Variants in STAG2 observed in about 807,000 individuals in gnomAD.
STAG2 encodes the protein STAG2 cohesin complex component, also known as cohesin subunit SA-2.
A neutral mutation model predicts 108.1 loss-of-function variants in STAG2; 14 were observed. The observed-to-expected ratio is 0.13, with a 90% CI of 0.09 to 0.20. The LOEUF is 0.20. Ranked by LOEUF, STAG2 falls within the 10% of genes least tolerant of loss-of-function variation. The pLI is 1.00. For synonymous variants in STAG2, 307 were observed against 302.7 expected (o/e 1.01, Z -0.15); for missense variants, 440 against 940.9 (o/e 0.47, Z 6.96).
In STAG2 at chrX:124,057,181, G is replaced by T. The variant is rs146161622; in HGVS notation, c.1305-685G>T. Among the ~76,000 whole-genome samples the T allele has an allele frequency of 2.3e-4, 26 of 112,065 alleles. No homozygotes were observed. In the East Asian group the frequency reaches 6.1e-3, roughly 26 times the overall value. On this transcript the variant is annotated intron_variant, in intron 14 of 34. Transcript: ENST00000371145. ...TGTGATCCTATTTAACTCAGATTAG[G>T]TAGTATGAGTAGAAGTGTGAATATC...
chrX:124,064,739 A>T (rs762521368), intron 20 of STAG2, among the ~76,000 whole-genome samples: 1 of 111,359 alleles, frequency 9.0e-6, no homozygotes, highest in South Asian at 3.7e-4. Flanking sequence ...CCACACATCC[A>T]GTCTGGGTTT....
intron 18 of STAG2, 39 bp from the exon 19 acceptor site, chrX:124,063,077 T>C (rs774533211): frequency 5.1e-6 from 6 of 1,172,510 alleles, no homozygotes; most frequent in Non-Finnish European, 6.9e-6. Context: ...TAATGCTTTC[T>C]TATTGTGATA....
At chrX:123,980,513 A>C (rs1040334925) in intron 1 of STAG2, among the ~76,000 whole-genome samples, 2 of 111,950 alleles carry the variant, frequency 1.8e-5, no homozygotes, top group Non-Finnish European at 3.8e-5. Flanking sequence ...TGTTCTTCCA[A>C]TTATGTCAAG....
At chrX:124,097,849 CA>C (rs2059422481) in intron 34 of STAG2, 1 of 169,319 alleles carries the variant, frequency 5.9e-6, no homozygotes, top group African/African-American at 3.0e-5. Flanking sequence ...TTGTGCTTCC[CA>C]AAACTAAAAT....
chrX:124,031,984 C>T (rs748064824), intron 5 of STAG2, among the ~76,000 whole-genome samples: 17 of 111,571 alleles, frequency 1.5e-4, no homozygotes, highest in African/African-American at 5.5e-4. Flanking sequence ...CCTGCCTCGG[C>T]CTCCCAAAGT....
intron 5 of STAG2, among the ~76,000 whole-genome samples, chrX:124,034,852 C>CAGT (rs1374788326): frequency 9.6e-6 from 1 of 103,975 alleles, no homozygotes; most frequent in Non-Finnish European, 2.0e-5. Context: ...ATACCTATCT[C>CAGT]AGTAGTTGTT....
At chrX:124,048,954 AT>A (rs1229643241) in intron 9 of STAG2, 50 bp from the exon 10 acceptor site, 10 of 1,047,412 alleles carry the variant, frequency 9.5e-6, no homozygotes, top group African/African-American at 1.9e-5. Context: ...ACAGGTGTTC[AT>A]TTGGTTGTCT....
chrX:124,071,455 A>T, intron 25 of STAG2, 132 bp downstream of exon 25: 1 of 483,867 alleles, frequency 2.1e-6, no homozygotes, highest in Non-Finnish European at 3.1e-6. Context: ...ATATTCCAGC[A>T]CAATTTATGT....
chrX:124,004,944 T>C (rs1261566474), intron 1 of STAG2, among the ~76,000 whole-genome samples: 1 of 111,349 alleles, frequency 9.0e-6, no homozygotes, highest in Non-Finnish European at 1.9e-5. Flanking sequence ...CAGGTGTCCC[T>C]TGGTATCTGT....
intron 1 of STAG2, among the ~76,000 whole-genome samples, chrX:124,014,656 C>T (rs1006814122): frequency 1.8e-5 from 2 of 111,185 alleles, no homozygotes; most frequent in African/African-American, 6.6e-5. Flanking sequence ...CTACTGCACC[C>T]GGCCTGTCCT....
chrX:124,038,931 C>G (rs1293443048), intron 6 of STAG2, among the ~76,000 whole-genome samples: 1 of 110,444 alleles, frequency 9.1e-6, no homozygotes, highest in African/African-American at 3.3e-5. Context: ...TAAAGATGAG[C>G]TATACTAAAA....
intron 4 of STAG2, among the ~76,000 whole-genome samples, chrX:124,028,811 TA>T (rs1489177923): frequency 2.3e-4 from 20 of 88,805 alleles, no homozygotes; most frequent in African/African-American, 8.3e-4. Flanking sequence ...TATATATATA[TA>T]TATATATATA....
At chrX:124,045,599 A>G (rs981486176) in intron 8 of STAG2, among the ~76,000 whole-genome samples, 2 of 111,367 alleles carry the variant, frequency 1.8e-5, no homozygotes, top group Non-Finnish European at 3.8e-5. Context: ...CTTGTATACT[A>G]TGCATACTGT....
At chrX:124,099,601 G>A (rs968770977) in intron 34 of STAG2, among the ~76,000 whole-genome samples, 4 of 111,338 alleles carry the variant, frequency 3.6e-5, no homozygotes, top group African/African-American at 1.3e-4. Context: ...TCAGATACTT[G>A]TTTCTGGATC....
chrX:124,022,095 G>A (rs753020476), intron 2 of STAG2, among the ~76,000 whole-genome samples: 2 of 111,661 alleles, frequency 1.8e-5, no homozygotes, highest in East Asian at 5.6e-4. Context: ...TCAAGGTCAG[G>A]CACGGTGGCT....
chrX:124,089,953 G>A (rs970934500), intron 30 of STAG2, among the ~76,000 whole-genome samples: 1 of 109,418 alleles, frequency 9.1e-6, no homozygotes, highest in South Asian at 3.9e-4. Context: ...TTGAGGCCAG[G>A]AATTCAAGAC....
chrX:124,084,499 G>A lies in STAG2; in HGVS notation c.3053+950G>A, dbSNP rs930272436. Among the ~76,000 whole-genome samples, 13 of 110,742 alleles carry A rather than the reference G, an allele frequency of 1.2e-4. No individual in the cohort carries two copies. In the Admixed American group the frequency reaches 1.3e-3, roughly 11 times the overall value. The stretch of plus-strand genomic sequence containing the variant: ...ATGCCCGGCTAATTTTGTATTTTTA[G>A]TAGAGACAGGGTTTCACCATGTTGG... On this transcript the variant is annotated intron_variant, in intron 29 of 34. Coordinates refer to ENST00000371145, the MANE Select transcript of STAG2 (RefSeq NM_001042750.2).
chrX:124,025,993 T>C (rs2057082242), intron 4 of STAG2, 75 bp downstream of exon 4: 6 of 775,316 alleles, frequency 7.7e-6, no homozygotes, highest in Non-Finnish European at 1.1e-5. Context: ...ATGTCTCAGA[T>C]AGTTTTATCT....
chrX:124,069,475 T>C (rs747219892), intron 24 of STAG2, among the ~76,000 whole-genome samples: 1 of 112,266 alleles, frequency 8.9e-6, no homozygotes, highest in Non-Finnish European at 1.9e-5. Context: ...CTATTTATTT[T>C]AGTTCAGTGT....
Sources: gnomAD v4.1 joint callset for allele counts (sites outside exome capture counted in the v4.1 genomes callset) on GRCh38, gnomAD v4.1.1 for gene constraint, MANE v1.5 for transcripts, NCBI Gene and HGNC (gene_info 2026-07-23, HGNC 2026-07-21) for gene names.